Variants in SLC14A2 observed in about 807,000 individuals in gnomAD.
SLC14A2 encodes urea transporter 2.
In SLC14A2, 91 loss-of-function variants were observed where a neutral mutation model predicts 104.6. That is an observed-to-expected ratio of 0.87 (90% CI 0.73 to 1.04). The LOEUF (loss-of-function observed/expected upper bound fraction) is 1.04. SLC14A2 is among the 50% of genes least tolerant of loss of function. SLC14A2 has a pLI of 0.00. For missense variants in SLC14A2, 1,189 were observed against 1,156.0 expected (o/e 1.03, Z -0.41); for synonymous variants, 476 against 466.4 (o/e 1.02, Z -0.27).
chr18:45,306,986 A>C (rs1391711160), intron 1 of SLC14A2, among the ~76,000 whole-genome samples: 1 of 152,148 alleles, frequency 6.6e-6, no homozygotes, highest in Non-Finnish European at 1.5e-5. Flanking sequence ...AGGAATGCTC[A>C]TGGCTCACGA....
At chr18:45,567,006 C>A (rs755090533) in intron 2 of SLC14A2, among the ~76,000 whole-genome samples, 10 of 151,778 alleles carry the variant, frequency 6.6e-5, no homozygotes, top group Non-Finnish European at 1.3e-4. Context: ...CATATAGACA[C>A]AAACCACTAT....
chr18:45,231,009 G>A (rs568609466), intron 1 of SLC14A2, among the ~76,000 whole-genome samples: 2 of 152,234 alleles, frequency 1.3e-5, no homozygotes, highest in South Asian at 4.2e-4. Flanking sequence ...TGGCAAGAGC[G>A]CCAAAGGCTA....
At position 45,667,086 on chromosome 18, in the gene SLC14A2, G is replaced by T. The variant is rs1389394554; in HGVS notation, c.1709G>T (p.Gly570Val). The change falls in exon 13 of 20, where the codon GGA becomes GTA. Residue 570 changes from glycine (G) to valine (V), a missense_variant. Transcript: ENST00000255226. ...GGAGAGATGAAGGAGTGTGGAGAGG[G>T]ACTTAAAGGTAAAATTCTATGAGAA... The part of the protein sequence containing the change: ...ITGEMKECGE[G>V]LKDKSPVFQF... 1.9e-6 allele frequency: 3 copies of T among 1,613,042 alleles called. No homozygotes were observed. The highest frequency in any genetic ancestry group is 1.7e-5 in the Admixed American group (1 of 59,956).
intron 18 of SLC14A2, among the ~76,000 whole-genome samples, chr18:45,675,707 A>T (rs868559590): frequency 1.3e-4 from 11 of 83,442 alleles, no homozygotes; most frequent in South Asian, 1.0e-3. Flanking sequence ...ATATATATAT[A>T]TATTTTTTTT....
chr18:45,558,187 T>C (rs1295543921), intron 2 of SLC14A2, among the ~76,000 whole-genome samples: 1 of 152,178 alleles, frequency 6.6e-6, no homozygotes, highest in African/African-American at 2.4e-5. Flanking sequence ...CCTTTCTCTC[T>C]CCTTTGTCCT....
chr18:45,660,591 G>C (rs930852412), intron 10 of SLC14A2, among the ~76,000 whole-genome samples: 3 of 152,146 alleles, frequency 2.0e-5, no homozygotes, highest in Non-Finnish European at 2.9e-5. Flanking sequence ...AACCCTACAG[G>C]GTCTGTATAT....
At chr18:45,449,043 C>G (rs2086816799) in intron 1 of SLC14A2, among the ~76,000 whole-genome samples, 1 of 152,132 alleles carries the variant, frequency 6.6e-6, no homozygotes, top group African/African-American at 2.4e-5. Flanking sequence ...GGTGGCCATC[C>G]CAAAGGGCAT....
chr18:45,455,010 G>A (rs991681629), intron 1 of SLC14A2, among the ~76,000 whole-genome samples: 1 of 152,006 alleles, frequency 6.6e-6, no homozygotes, highest in Non-Finnish European at 1.5e-5. Context: ...TCCATATGAA[G>A]TTTAAAGTAG....
chr18:45,645,523 G>A lies in SLC14A2; in HGVS notation c.1351+1363G>A, dbSNP rs961738637. 5.3e-5 allele frequency among the ~76,000 whole-genome samples: 7 copies of A among 131,496 alleles called. No homozygotes were observed. The Admixed American group carries it at 5.5e-4, about 10-fold the overall frequency. 86.3% of individuals were successfully genotyped at this position (131,496 alleles called of 152,430 possible). On this transcript the variant is annotated intron_variant, in intron 10 of 19. Transcript: ENST00000255226. ...AAGTGTATGATATTTAAAACAAATA[G>A]GTAGCCCTGACTATAGAAAGACAAT...
rs78962410 is a variant in SLC14A2, at chr18:45,616,137, G to A, written c.-35+555G>A. Among the ~76,000 whole-genome samples the A allele has an allele frequency of 7.7e-4, 117 of 152,274 alleles. No individual in the cohort carries two copies. The East Asian group carries it at 0.017, about 23-fold the overall frequency. The stretch of plus-strand genomic sequence containing the variant: ...AAGTGGAGCACCCCTGGGTAGAACC[G>A]AGGGAGATTGAGAACAGTTGCTATC... On this transcript the variant is annotated intron_variant, in intron 1 of 19. Transcript: ENST00000255226.
chr18:45,239,053 A>G (rs1235550511), intron 1 of SLC14A2, among the ~76,000 whole-genome samples: 1 of 152,184 alleles, frequency 6.6e-6, no homozygotes, highest in Non-Finnish European at 1.5e-5. Flanking sequence ...AAAAAGGTGC[A>G]TATGTTGAAA....
chr18:45,680,211 C>A (rs1445338089), intron 19 of SLC14A2, among the ~76,000 whole-genome samples: 1 of 152,202 alleles, frequency 6.6e-6, no homozygotes, highest in Non-Finnish European at 1.5e-5. Context: ...AGTCATTCAT[C>A]CACTAAATCC....
chr18:45,375,003 T>C (rs1472937853), intron 1 of SLC14A2, among the ~76,000 whole-genome samples: 1 of 152,178 alleles, frequency 6.6e-6, no homozygotes, highest in Non-Finnish European at 1.5e-5. Context: ...ATAAAGGTAA[T>C]ACTAAAACCG....
In SLC14A2 at chr18:45,625,786, G is replaced by A. The variant is rs145955125; in HGVS notation, c.254G>A (p.Gly85Asp). 1.5e-4 allele frequency: 228 copies of A among 1,551,188 alleles called. 1 individual carries two copies. The African/African-American group carries it at 3.0e-3, about 21-fold the overall frequency. The part of the protein sequence containing the change: ...DDGVAHRDSA[G>D]QRCICLSKAV... ...GGGGTGGCCCATCGGGACTCAGCAG[G>A]CCAAAGGTGCATCTGCCTCTCCAAA... Residue 85 changes from glycine to aspartate, a missense_variant, in exon 3 of 20, where the codon GGC becomes GAC. Gly to Asp is a moderately conservative substitution (Grantham distance 94). Coordinates refer to ENST00000255226, the MANE Select transcript of SLC14A2 (RefSeq NM_007163.4).
intron 1 of SLC14A2, among the ~76,000 whole-genome samples, chr18:45,427,151 A>G (rs2086445629): frequency 6.6e-6 from 1 of 152,134 alleles, no homozygotes; most frequent in Non-Finnish European, 1.5e-5. Context: ...AGAATGTGGA[A>G]TAATTCTTTG....
At chr18:45,500,374 G>A (rs529320203) in intron 2 of SLC14A2, among the ~76,000 whole-genome samples, 2 of 152,098 alleles carry the variant, frequency 1.3e-5, no homozygotes, top group Admixed American at 6.5e-5. Context: ...TCAGGAGATC[G>A]AGACCATCCT....
rs75461733 is a variant in SLC14A2, at chr18:45,530,587, T to C, written c.-35+47265T>C. Among the ~76,000 whole-genome samples, 1,282 of 152,236 alleles carry C rather than the reference T, an allele frequency of 8.4e-3. 21 individuals carry two copies. Among genetic ancestry groups the C allele is most frequent in the African/African-American group, 0.029 (1,225 of 41,544 alleles). The stretch of plus-strand genomic sequence containing the variant: ...GTCTTGGGAACCATCTATGTCTAAA[T>C]ATGTTAGAAATGTGTGTCAAACAAT... On this transcript the variant is annotated intron_variant, in intron 2 of 20. Transcript: ENST00000586448.
At chr18:45,418,360 G>A (rs1241332760) in intron 1 of SLC14A2, among the ~76,000 whole-genome samples, 1 of 152,156 alleles carries the variant, frequency 6.6e-6, no homozygotes, top group African/African-American at 2.4e-5. Flanking sequence ...AGCCATCTCT[G>A]GCATTGTCAT....
At chr18:45,679,888 C>T (rs1036505838) in intron 19 of SLC14A2, among the ~76,000 whole-genome samples, 6 of 152,170 alleles carry the variant, frequency 3.9e-5, no homozygotes, top group Admixed American at 2.0e-4. Context: ...TACTTGATGT[C>T]GTACAGTTTT....
Sources: gnomAD v4.1 joint callset for allele counts (sites outside exome capture counted in the v4.1 genomes callset) on GRCh38, gnomAD v4.1.1 for gene constraint, MANE v1.5 for transcripts, NCBI Gene and HGNC (gene_info 2026-07-23, HGNC 2026-07-21) for gene names.